IGSF11: variants seen among roughly 807,000 people sequenced by gnomAD.
The protein encoded by IGSF11 is CXADR like 1.
IGSF11 carries 22 observed loss-of-function variants against 41.0 expected under a neutral mutation model. That is an observed-to-expected ratio of 0.54 (90% CI 0.38 to 0.77). The LOEUF (loss-of-function observed/expected upper bound fraction) is 0.77. Ranked by LOEUF, IGSF11 falls within the 30% of genes least tolerant of loss-of-function variation. The pLI, the probability that IGSF11 is intolerant of heterozygous loss-of-function variation, is 0.00. For synonymous variants in IGSF11, 219 were observed against 201.3 expected (o/e 1.09, Z -0.74); for missense variants, 444 against 530.8 (o/e 0.84, Z 1.61).
chr3:118,940,271 C>A (rs180875860), intron 1 of IGSF11, among the ~76,000 whole-genome samples: 4 of 152,216 alleles, frequency 2.6e-5, no homozygotes, highest in African/African-American at 9.6e-5. Flanking sequence ...AACACATCTA[C>A]ATTAAAAATT....
rs528978038 is a variant in IGSF11, at chr3:119,128,401, A to G, written c.-14+17412T>C. On this transcript the variant is annotated intron_variant, in intron 1 of 7. Transcript: ENST00000425327. ...GAGAAACAGAGAAAGAGAGAGAGAG[A>G]AAGGAAGGAAAAGAAAATGTAACTG... Among the ~76,000 whole-genome samples the G allele has an allele frequency of 3.3e-5, 5 of 152,166 alleles. No homozygotes were observed. In the East Asian group the frequency reaches 7.7e-4, roughly 23 times the overall value.
intron 1 of IGSF11, among the ~76,000 whole-genome samples, chr3:119,054,421 CAT>C (rs796409413): frequency 1.8e-4 from 28 of 152,286 alleles, no homozygotes; most frequent in African/African-American, 5.3e-4. Flanking sequence ...GGTCACCAAA[CAT>C]GTGAAAAATG....
chr3:118,904,212 T>C (rs545633685), intron 6 of IGSF11, among the ~76,000 whole-genome samples: 1 of 152,218 alleles, frequency 6.6e-6, no homozygotes, highest in Admixed American at 6.5e-5. Flanking sequence ...GTTCATATTC[T>C]TGTCTGAACT....
chr3:118,905,650 C>A lies in IGSF11; in HGVS notation c.649G>T (p.Ala217Ser). The change falls in exon 5 of 7, where the codon GCT (alanine) becomes TCT (serine). Residue 217 changes from alanine to serine, a missense_variant. Coordinates refer to ENST00000393775, the MANE Select transcript of IGSF11 (RefSeq NM_001015887.3). ...ALSSGLYQCVASNAIGTSTCL... is the reference protein window; with the variant it reads ...ALSSGLYQCVSSNAIGTSTCL... ...GTGCTGGTTCCAATAGCATTAGAAGCCACGCACTGGTACAAACCTGAAGAC... is the reference window on the plus strand; with the variant it reads ...GTGCTGGTTCCAATAGCATTAGAAGACACGCACTGGTACAAACCTGAAGAC... 6.2e-7 allele frequency: 1 copy of A among 1,613,878 alleles called. No homozygotes were observed. The highest frequency in any genetic ancestry group is 8.5e-7 in the Non-Finnish European group (1 of 1,179,816).
At chr3:119,093,405 GTT>G (rs11352194) in intron 1 of IGSF11, among the ~76,000 whole-genome samples, 77 of 147,256 alleles carry the variant, frequency 5.2e-4, no homozygotes, top group African/African-American at 1.8e-3. Context: ...TCTGAGACCC[GTT>G]TTTTTTTTTT....
chr3:118,920,729 CCA>C (rs769116092), intron 4 of IGSF11, among the ~76,000 whole-genome samples: 24 of 152,202 alleles, frequency 1.6e-4, no homozygotes, highest in Middle Eastern at 3.4e-3. Context: ...ATTGACAAAT[CCA>C]CAGTCTTACA....
chr3:119,058,567 G>C (rs984902119), intron 1 of IGSF11, among the ~76,000 whole-genome samples: 1 of 152,190 alleles, frequency 6.6e-6, no homozygotes, highest in Non-Finnish European at 1.5e-5. Context: ...TCAGTGTGGC[G>C]ATTCCTCAGG....
At chr3:119,077,632 C>T (rs1311468909) in intron 1 of IGSF11, among the ~76,000 whole-genome samples, 2 of 152,056 alleles carry the variant, frequency 1.3e-5, no homozygotes, top group South Asian at 2.1e-4. Flanking sequence ...ACAAGAATGC[C>T]TACTCTCAAC....
At position 118,930,125 on chromosome 3, in the gene IGSF11, T is replaced by C. The variant is rs767168654; in HGVS notation, c.203A>G (p.Asn68Ser). The C allele has an allele frequency of 1.2e-6, 2 of 1,613,084 alleles. No individual in the cohort carries two copies. The highest frequency in any genetic ancestry group is 2.2e-5 in the East Asian group (1 of 44,818). The change falls in exon 2 of 7, where the codon AAC becomes AGC. Residue 68 changes from asparagine (N) to serine (S), a missense_variant. Physicochemically the swap from Asn to Ser is conservative, Grantham distance 46. Transcript: ENST00000393775. ...IWMVTPLSNA[N>S]QPEQVILYQG... ...CAACAGAAATACCTGTTCAGGTTGG[T>C]TGGCATTGGAGAGAGGAGTGACCAT...
chr3:119,037,198 C>A (rs557877584), upstream of IGSF11, among the ~76,000 whole-genome samples: 7 of 152,298 alleles, frequency 4.6e-5, no homozygotes, highest in East Asian at 9.6e-4. Flanking sequence ...AGAAGGATTT[C>A]TTTAAATCCC....
intron 1 of IGSF11, among the ~76,000 whole-genome samples, chr3:119,080,882 C>A (rs1191990151): frequency 6.6e-6 from 1 of 151,974 alleles, no homozygotes; most frequent in Non-Finnish European, 1.5e-5. Flanking sequence ...AACTAATTCC[C>A]CACAAATCAA....
At chr3:118,968,995 C>A (rs916902482) in intron 1 of IGSF11, among the ~76,000 whole-genome samples, 23 of 152,266 alleles carry the variant, frequency 1.5e-4, no homozygotes, top group African/African-American at 5.5e-4. Context: ...ATGGCTTCCA[C>A]CCCATTAATT....
chr3:119,111,749 T>C (rs1559874409), intron 1 of IGSF11, among the ~76,000 whole-genome samples: 1 of 152,198 alleles, frequency 6.6e-6, no homozygotes, highest in Non-Finnish European at 1.5e-5. Context: ...TTGATGATGG[T>C]GATGTACAGA....
intron 1 of IGSF11, among the ~76,000 whole-genome samples, chr3:118,963,952 T>C (rs1312627558): frequency 2.6e-5 from 4 of 152,208 alleles, no homozygotes; most frequent in Non-Finnish European, 5.9e-5. Context: ...AAGCCTTTTG[T>C]TCTTAGTGAT....
chr3:118,940,479 G>A (rs751500655), intron 1 of IGSF11, among the ~76,000 whole-genome samples: 50 of 152,192 alleles, frequency 3.3e-4, no homozygotes, highest in Admixed American at 6.5e-4. Context: ...GAAAATATCT[G>A]TAAGATCTGT....
chr3:118,934,112 A>C (rs1248018318), intron 1 of IGSF11, among the ~76,000 whole-genome samples: 2 of 152,180 alleles, frequency 1.3e-5, no homozygotes, highest in Non-Finnish European at 2.9e-5. Flanking sequence ...TAGCTCTCTG[A>C]TACTTCACGT....
rs112050514 is a variant in IGSF11 at position 119,128,041 on chromosome 3, T to A, written c.-14+17772A>T. Among the ~76,000 whole-genome samples, 548 of 152,112 alleles carry A rather than the reference T, an allele frequency of 3.6e-3. 2 individuals carry two copies. Among genetic ancestry groups the A allele is most frequent in the African/African-American group, 0.012 (512 of 41,476 alleles). ...GAGCATCATGATGACATGATCAAACTCCAAACGTAACAATACTAACCTCAA... is the reference window on the plus strand; with the variant it reads ...GAGCATCATGATGACATGATCAAACACCAAACGTAACAATACTAACCTCAA... On this transcript the variant is annotated intron_variant, in intron 1 of 7. Coordinates refer to the IGSF11 transcript ENST00000425327.
At chr3:118,984,164 C>T in intron 1 of IGSF11, among the ~76,000 whole-genome samples, 1 of 145,746 alleles carries the variant, frequency 6.9e-6, no homozygotes, top group Non-Finnish European at 1.5e-5. Flanking sequence ...TTTGTAATTT[C>T]TGAAATTCAA....
At chr3:119,042,456 T>C (rs895274737) in intron 1 of IGSF11, among the ~76,000 whole-genome samples, 1 of 152,128 alleles carries the variant, frequency 6.6e-6, no homozygotes, top group Non-Finnish European at 1.5e-5. Flanking sequence ...AGACTGACCT[T>C]GCCGGTTATG....
Sources: allele counts gnomAD v4.1 joint callset (sites outside exome capture counted in the v4.1 genomes callset), GRCh38; gene constraint gnomAD v4.1.1; transcripts MANE v1.5; gene names NCBI Gene and HGNC (gene_info 2026-07-23, HGNC 2026-07-21).